RNF175: variants seen among roughly 807,000 people sequenced by gnomAD.
RNF175 encodes ring finger protein 175.
Under a neutral mutation model 50.0 loss-of-function variants are expected in RNF175, and 38 were observed. The observed-to-expected ratio is 0.76, with a 90% CI of 0.59 to 1.00. The LOEUF (loss-of-function observed/expected upper bound fraction) is 1.00, where lower values mean the gene tolerates loss of function less well. Among genes scored for constraint, RNF175 ranks in the 50% least tolerant of loss-of-function variants. RNF175 has a pLI of 0.00. For missense variants in RNF175, 388 were observed against 409.6 expected, an observed-to-expected ratio of 0.95 and a Z score of 0.46; for synonymous variants, 155 against 146.1, an observed-to-expected ratio of 1.06 and a Z score of -0.44.
At chr4:153,751,622 A>T in intron 1 of RNF175, 147 bp from the exon 2 acceptor site, 1 of 626,292 alleles carries the variant, frequency 1.6e-6, no homozygotes, top group East Asian at 2.9e-5. Context: ...CTAGTAAAAT[A>T]ATTTGCTTAC....
chr4:153,741,287 T>C (rs1018524024), intron 3 of RNF175, among the ~76,000 whole-genome samples: 1 of 152,192 alleles, frequency 6.6e-6, no homozygotes, highest in Non-Finnish European at 1.5e-5. Flanking sequence ...GGTCTTATTA[T>C]GGAGAACATT....
intron 1 of RNF175, among the ~76,000 whole-genome samples, chr4:153,752,152 T>C (rs1740324475): frequency 6.6e-6 from 1 of 152,256 alleles, no homozygotes; most frequent in South Asian, 2.1e-4. Flanking sequence ...CCACTACATT[T>C]GGTCATTTGA....
At chr4:153,724,926 AGGTGAGCTACGTGGGGGAGTGGGCAGG>A (rs1738588321) in intron 4 of RNF175, among the ~76,000 whole-genome samples, 5 of 61,614 alleles carry the variant, frequency 8.1e-5, no homozygotes, top group Admixed American at 2.0e-4. Context: ...GACCAGGCAG[AGGTGAGCTACGTGGGGGAGTGGGCAGG>A]GGTGAGCTAC....
At chr4:153,714,219 T>C (rs747259300) in intron 7 of RNF175, 8 of 152,208 alleles carry the variant, frequency 5.3e-5, no homozygotes, top group Non-Finnish European at 1.2e-4. Context: ...ATAAATCATA[T>C]TTAAAACTAG....
At chr4:153,756,972 A>G (rs1382460859) in intron 1 of RNF175, among the ~76,000 whole-genome samples, 1 of 152,074 alleles carries the variant, frequency 6.6e-6, no homozygotes, top group African/African-American at 2.4e-5. Flanking sequence ...TTAAAGGTAG[A>G]CTGATCCTAT....
At chr4:153,739,426 T>TAAA (rs1739530358) in intron 3 of RNF175, among the ~76,000 whole-genome samples, 1 of 152,116 alleles carries the variant, frequency 6.6e-6, no homozygotes, top group Non-Finnish European at 1.5e-5. Context: ...AAATAAAAAA[T>TAAA]AAAAGAAAGA....
In RNF175 at chr4:153,729,730, T is replaced by C. The variant is rs73854422; in HGVS notation, c.247-1369A>G. The C allele has an allele frequency of 4.1e-5, 40 of 985,016 alleles. No homozygotes were observed. The African/African-American group carries it at 6.1e-4, about 15-fold the overall frequency. The allele number at this position is 985,016 out of a possible 1,614,324, so 61.0% of individuals were successfully genotyped here. A position where few individuals can be genotyped will look rare whatever the true frequency, so the allele number is the denominator to read the frequency against. On this transcript the variant is annotated intron_variant, in intron 3 of 8. Transcript: ENST00000347063. ...TGATCTGAAGTCTTCTTAGAATTGC[T>C]CTGAATCTTCTTTCAGAGAACCCTA...
intron 3 of RNF175, among the ~76,000 whole-genome samples, chr4:153,745,417 A>G (rs918306764): frequency 3.9e-5 from 6 of 152,242 alleles, no homozygotes; most frequent in African/African-American, 1.4e-4. Context: ...CAAGGCCCAC[A>G]GTATGACTCT....
At chr4:153,753,265 G>C (rs1028116666) in intron 1 of RNF175, among the ~76,000 whole-genome samples, 13 of 152,180 alleles carry the variant, frequency 8.5e-5, no homozygotes, top group African/African-American at 3.1e-4. Flanking sequence ...ATGCAACCGG[G>C]GTTAGTAACA....
chr4:153,719,207 T>C (rs2127099786), intron 6 of RNF175, among the ~76,000 whole-genome samples: 1 of 152,336 alleles, frequency 6.6e-6, no homozygotes, highest in Non-Finnish European at 1.5e-5. Flanking sequence ...TAGGCAGTCT[T>C]CAGTTTTCTG....
chr4:153,739,818 T>C (rs1202064204), intron 3 of RNF175, among the ~76,000 whole-genome samples: 3 of 152,194 alleles, frequency 2.0e-5, no homozygotes, highest in Non-Finnish European at 2.9e-5. Context: ...CATACCCAGG[T>C]ATAGATTTCT....
chr4:153,748,695 C>T lies in RNF175; in HGVS notation c.196G>A (p.Ala66Thr). 2 of 1,606,216 alleles carry T rather than the reference C, an allele frequency of 1.2e-6. No homozygotes were observed. Among genetic ancestry groups the T allele is most frequent in the Non-Finnish European group, 1.7e-6 (2 of 1,176,534 alleles). ...CTCCACTGAACCAGCACTATCTGGG[C>T]AATGACCAGAACGCAGAGGAAGATC... ...ILIFLCVLVI[A>T]QIVLVQWRQR... is the part of the protein sequence containing the mutation. Residue 66 changes from alanine to threonine, a missense_variant, in exon 3 of 9, where the codon GCC becomes ACC. By Grantham distance (58) the Ala-to-Thr change is moderately conservative. Coordinates refer to ENST00000347063, the MANE Select transcript of RNF175 (RefSeq NM_173662.4).
At chr4:153,751,357 T>G in intron 2 of RNF175, 81 bp downstream of exon 2, 2 of 1,001,888 alleles carry the variant, frequency 2.0e-6, no homozygotes, top group Non-Finnish European at 3.0e-6. Flanking sequence ...AATAAAATGA[T>G]GACTTCATTC....
intron 3 of RNF175, among the ~76,000 whole-genome samples, chr4:153,730,064 C>T (rs1010768309): frequency 1.9e-4 from 29 of 152,282 alleles, no homozygotes; most frequent in African/African-American, 6.5e-4. Flanking sequence ...CAAGAGGACC[C>T]GAAACCATAT....
At chr4:153,742,800 G>C (rs1054232826) in intron 3 of RNF175, among the ~76,000 whole-genome samples, 1 of 150,122 alleles carries the variant, frequency 6.7e-6, no homozygotes, top group African/African-American at 2.4e-5. Flanking sequence ...TTTATATATA[G>C]TAATTTTATG....
At chr4:153,723,215 C>T (rs376665729) in intron 5 of RNF175, 136 bp downstream of exon 5, 18 of 511,078 alleles carry the variant, frequency 3.5e-5, no homozygotes, top group African/African-American at 1.5e-4. Flanking sequence ...GAGAAGACTA[C>T]GTGTGGATAT....
At chr4:153,757,218 C>A (rs1248136464) in intron 1 of RNF175, among the ~76,000 whole-genome samples, 1 of 152,176 alleles carries the variant, frequency 6.6e-6, no homozygotes, top group Non-Finnish European at 1.5e-5. Context: ...TATATACTGA[C>A]CTTGAACATT....
intron 1 of RNF175, among the ~76,000 whole-genome samples, chr4:153,758,441 G>C (rs766825864): frequency 1.3e-5 from 2 of 152,160 alleles, no homozygotes; most frequent in Non-Finnish European, 2.9e-5. Flanking sequence ...CCTCAACAGA[G>C]AGGCCATACC....
rs1369638986 is a variant in RNF175 at position 153,723,408 on chromosome 4, C to T, written c.452G>A (p.Gly151Asp). The T allele has an allele frequency of 6.2e-7, 1 of 1,608,916 alleles. No individual in the cohort carries two copies. The highest frequency in any genetic ancestry group is 8.5e-7 in the Non-Finnish European group (1 of 1,175,768). ...LLIYKLSYAF[G>D]VVGYLAIMFT... ...CATGATCGCCAAGTAACCCACAACA[C>T]CAAATGCATAGCTGAGTTTGTAGAT... is the stretch of plus-strand genomic sequence containing the variant. Residue 151 changes from glycine (G) to aspartate (D), a missense_variant, in exon 5 of 9, where the codon GGT (glycine) becomes GAT (aspartate). Gly to Asp is a moderately conservative substitution (Grantham distance 94). Coordinates refer to ENST00000347063, the MANE Select transcript of RNF175 (RefSeq NM_173662.4).
Sources: gnomAD v4.1 joint callset for allele counts (sites outside exome capture counted in the v4.1 genomes callset) on GRCh38, gnomAD v4.1.1 for gene constraint, MANE v1.5 for transcripts, NCBI Gene and HGNC (gene_info 2026-07-23, HGNC 2026-07-21) for gene names.